Variants in UNC13C observed in about 807,000 individuals in gnomAD.
UNC13C encodes unc-13 homolog C.
In UNC13C, 174 loss-of-function variants were observed where a neutral mutation model predicts 245.4. The ratio of observed to expected loss-of-function variants is 0.71; its 90% CI spans 0.63 to 0.80. The LOEUF is 0.80. Ranked by LOEUF, UNC13C falls within the 30% of genes least tolerant of loss-of-function variation. The pLI, the probability that UNC13C is intolerant of heterozygous loss-of-function variation, is 0.00. For missense variants in UNC13C, 2,829 were observed against 2,602.9 expected (o/e 1.09, Z -1.89); for synonymous variants, 992 against 895.1 (o/e 1.11, Z -1.93).
At chr15:54,592,659 T>C (rs1003472622) in intron 30 of UNC13C, among the ~76,000 whole-genome samples, 9 of 152,092 alleles carry the variant, frequency 5.9e-5, no homozygotes, top group African/African-American at 1.7e-4. Flanking sequence ...TGCCTTTTTC[T>C]ACCCCTTTAA....
At chr15:54,295,788 A>T (rs1272614060) in intron 11 of UNC13C, among the ~76,000 whole-genome samples, 1 of 152,160 alleles carries the variant, frequency 6.6e-6, no homozygotes, top group Non-Finnish European at 1.5e-5. Flanking sequence ...ACTGTCCTTC[A>T]GTCTATGAGA....
Position 54,477,617 on chromosome 15 carries a change from AT to A in UNC13C, c.4934-16988del, listed in dbSNP as rs1027931006. 1.3e-4 allele frequency among the ~76,000 whole-genome samples: 15 copies of A among 119,826 alleles called. 2 individuals are homozygous for A. Among genetic ancestry groups the A allele is most frequent in the Admixed American group, 9.1e-4 (11 of 12,088 alleles). 78.6% of individuals were successfully genotyped at this position (119,826 alleles called of 152,430 possible). On this transcript the variant is annotated intron_variant, in intron 19 of 32. Transcript: ENST00000260323. Reference sequence around the variant, plus strand: ...TTTATATGCTGGATTACATTTATTGATTTGCGTATATTGAACCAGCCTTGAA... The same window carrying A: ...TTTATATGCTGGATTACATTTATTGATTGCGTATATTGAACCAGCCTTGAA...
chr15:54,489,078 T>C (rs1335170116), intron 19 of UNC13C, among the ~76,000 whole-genome samples: 1 of 152,196 alleles, frequency 6.6e-6, no homozygotes, highest in Non-Finnish European at 1.5e-5. Flanking sequence ...TTAGTTAGGA[T>C]ATAATTGTAG....
chr15:54,169,427 A>T (rs983757019), intron 4 of UNC13C, among the ~76,000 whole-genome samples: 1 of 152,150 alleles, frequency 6.6e-6, no homozygotes, highest in Non-Finnish European at 1.5e-5. Flanking sequence ...TTTGCCCATT[A>T]CTAACCATCT....
At chr15:54,298,474 A>T (rs1596169775) in intron 12 of UNC13C, among the ~76,000 whole-genome samples, 1 of 152,148 alleles carries the variant, frequency 6.6e-6, no homozygotes, top group South Asian at 2.1e-4. Flanking sequence ...CCTGTTTCTG[A>T]GTACAACAAG....
At chr15:53,983,095 C>T (rs1893990098) in intron 1 of UNC13C, among the ~76,000 whole-genome samples, 1 of 152,138 alleles carries the variant, frequency 6.6e-6, no homozygotes, top group South Asian at 2.1e-4. Flanking sequence ...TTGTATAAGG[C>T]TCTTTACTGT....
chr15:53,875,485 T>C, the UNC13C span, among the ~76,000 whole-genome samples: 1 of 151,978 alleles, frequency 6.6e-6, no homozygotes, highest in East Asian at 1.9e-4. Flanking sequence ...TAGCAGGAGG[T>C]TGCTGGTAAG....
At chr15:54,134,961 C>T (rs2031656156) in intron 2 of UNC13C, among the ~76,000 whole-genome samples, 1 of 152,108 alleles carries the variant, frequency 6.6e-6, no homozygotes, top group South Asian at 2.1e-4. Context: ...CCTTTTTGTG[C>T]ATGCCATTAC....
At chr15:54,265,200 A>G (rs2036522184) in intron 9 of UNC13C, among the ~76,000 whole-genome samples, 155 bp from the exon 10 acceptor site, 1 of 151,968 alleles carries the variant, frequency 6.6e-6, no homozygotes, top group African/African-American at 2.4e-5. Context: ...ATTTTTATTA[A>G]ATTTTTTTAA....
intron 2 of UNC13C, among the ~76,000 whole-genome samples, chr15:54,016,979 T>G (rs1261794887): frequency 6.6e-6 from 1 of 152,238 alleles, no homozygotes; most frequent in Non-Finnish European, 1.5e-5. Context: ...TTCTCTGTCT[T>G]GACCAAAGCT....
chr15:53,918,639 G>A, the UNC13C span, among the ~76,000 whole-genome samples: 4 of 152,176 alleles, frequency 2.6e-5, no homozygotes, highest in African/African-American at 9.7e-5. Flanking sequence ...CATTGTCTAA[G>A]GATAGTGGAG....
the UNC13C span, among the ~76,000 whole-genome samples, chr15:53,922,564 T>C: frequency 7.2e-5 from 11 of 152,212 alleles, no homozygotes; most frequent in Non-Finnish European, 1.6e-4. Flanking sequence ...GGAATTTCTT[T>C]TCCTGCCTCA....
At chr15:54,555,200 G>C (rs777583951) in intron 28 of UNC13C, among the ~76,000 whole-genome samples, 2 of 151,892 alleles carry the variant, frequency 1.3e-5, no homozygotes, top group Non-Finnish European at 2.9e-5. Flanking sequence ...TGAAAATAAA[G>C]CCACACCTCT....
chr15:54,281,903 A>G (rs904574953), intron 10 of UNC13C, among the ~76,000 whole-genome samples: 1 of 152,336 alleles, frequency 6.6e-6, no homozygotes, highest in South Asian at 2.1e-4. Flanking sequence ...TAATATACAT[A>G]TGATACAATT....
chr15:54,140,998 G>A (rs2031991710), intron 2 of UNC13C, among the ~76,000 whole-genome samples: 1 of 152,178 alleles, frequency 6.6e-6, no homozygotes, highest in African/African-American at 2.4e-5. Context: ...TTTAACAGCT[G>A]AAAAGTAATT....
chr15:53,951,702 T>C, the UNC13C span, among the ~76,000 whole-genome samples: 2 of 152,174 alleles, frequency 1.3e-5, no homozygotes, highest in Admixed American at 1.3e-4. Flanking sequence ...TTTTAACCAC[T>C]ACCCTTCAAG....
intron 1 of UNC13C, among the ~76,000 whole-genome samples, chr15:53,997,244 C>T (rs1404918259): frequency 6.6e-6 from 1 of 151,962 alleles, no homozygotes; most frequent in South Asian, 2.1e-4. Context: ...AGTCTTTTGA[C>T]CTTTTTTGTT....
the UNC13C span, among the ~76,000 whole-genome samples, chr15:53,922,615 C>A: frequency 1.3e-5 from 2 of 152,154 alleles, no homozygotes. Context: ...AAATAAATAA[C>A]AACCCTCTTG....
At chr15:53,941,365 C>A in the UNC13C span, among the ~76,000 whole-genome samples, 3 of 152,112 alleles carry the variant, frequency 2.0e-5, no homozygotes, top group Non-Finnish European at 4.4e-5. Context: ...CTAGGTAATA[C>A]CACTCTGGAC....
Sources: gnomAD v4.1 joint callset for allele counts (sites outside exome capture counted in the v4.1 genomes callset) on GRCh38, gnomAD v4.1.1 for gene constraint, MANE v1.5 for transcripts, NCBI Gene and HGNC (gene_info 2026-07-23, HGNC 2026-07-21) for gene names.